Variants in CEP83 observed in about 807,000 individuals in gnomAD.
CEP83 encodes centrosomal protein of 83 kDa.
In CEP83, 70 loss-of-function variants were observed where a neutral mutation model predicts 101.9. The observed-to-expected ratio is 0.69, with a 90% CI of 0.57 to 0.84. CEP83 has a LOEUF of 0.84. Ranked by LOEUF, CEP83 falls within the 40% of genes least tolerant of loss-of-function variation. The pLI is 0.00. For missense variants in CEP83, 715 were observed against 787.2 expected, an observed-to-expected ratio of 0.91 and a Z score of 1.10; for synonymous variants, 264 against 267.9, an observed-to-expected ratio of 0.99 and a Z score of 0.14.
In CEP83 at chr12:94,403,265, A is replaced by C; in HGVS notation, c.325-3T>G. 1 of 1,275,654 alleles carries C rather than the reference A, an allele frequency of 7.8e-7. No homozygotes were observed. Among genetic ancestry groups the C allele is most frequent in the Non-Finnish European group, 1.1e-6 (1 of 875,248 alleles). 79.0% of individuals were successfully genotyped at this position (1,275,654 alleles called of 1,614,324 possible). On this transcript the variant is annotated splice_polypyrimidine_tract_variant and splice_region_variant and intron_variant, in intron 4 of 16. Transcript: ENST00000397809. ...TCCAATTTTTGTGGAGTTAATATCT[A>C]ATATGTAGAGAAATGCAAACAATAT...
chr12:94,395,105 G>A (rs1225913320), intron 6 of CEP83, among the ~76,000 whole-genome samples: 1 of 152,006 alleles, frequency 6.6e-6, no homozygotes, highest in Non-Finnish European at 1.5e-5. Context: ...ATTTGATCCA[G>A]CAATCCCATT....
chr12:94,338,577 TA>T (rs939531426), intron 11 of CEP83, among the ~76,000 whole-genome samples: 7 of 152,008 alleles, frequency 4.6e-5, no homozygotes, highest in East Asian at 3.9e-4. Context: ...GGAGAGGCAT[TA>T]AAAAAATGTT....
chr12:94,289,191 T>C, the CEP83 span, among the ~76,000 whole-genome samples: 1 of 152,228 alleles, frequency 6.6e-6, no homozygotes, highest in African/African-American at 2.4e-5. Context: ...GTTTGGAGGA[T>C]GTGTAGCTCC....
At chr12:94,367,731 T>C (rs952430851) in intron 11 of CEP83, 63 bp downstream of exon 11, 1 of 1,228,934 alleles carries the variant, frequency 8.1e-7, no homozygotes, top group Non-Finnish European at 1.1e-6. Flanking sequence ...TAGTTGTACA[T>C]CATTTTGTTA....
chr12:94,372,331 T>G (rs1000227448), intron 8 of CEP83, among the ~76,000 whole-genome samples: 41 of 152,240 alleles, frequency 2.7e-4, no homozygotes, highest in Admixed American at 2.7e-3. Context: ...TATAAAATGA[T>G]GTTTACATGA....
the CEP83 span, among the ~76,000 whole-genome samples, chr12:94,280,995 C>G: frequency 6.6e-6 from 1 of 152,210 alleles, no homozygotes; most frequent in African/African-American, 2.4e-5. Flanking sequence ...AATCCAACAC[C>G]AGGCTGGACG....
chr12:94,397,355 C>T (rs1328852114), intron 6 of CEP83, among the ~76,000 whole-genome samples: 1 of 152,022 alleles, frequency 6.6e-6, no homozygotes, highest in Non-Finnish European at 1.5e-5. Flanking sequence ...AATAATTAGC[C>T]AGGCATGGTG....
chr12:94,362,321 A>G (rs1291685312), intron 11 of CEP83, among the ~76,000 whole-genome samples: 1 of 152,008 alleles, frequency 6.6e-6, no homozygotes, highest in Non-Finnish European at 1.5e-5. Flanking sequence ...GAAGCTCTAC[A>G]AAAAAAACTA....
the CEP83 span, among the ~76,000 whole-genome samples, chr12:94,268,843 C>T: frequency 6.6e-6 from 1 of 152,056 alleles, no homozygotes; most frequent in African/African-American, 2.4e-5. Flanking sequence ...GATCCACCTG[C>T]CTTGTCCTCC....
chr12:94,448,829 A>T (rs2066999701), intron 1 of CEP83, among the ~76,000 whole-genome samples: 1 of 152,126 alleles, frequency 6.6e-6, no homozygotes, highest in South Asian at 2.1e-4. Flanking sequence ...TGAGAAAAGA[A>T]AAAAGGTCTC....
chr12:94,364,053 T>G, intron 11 of CEP83, among the ~76,000 whole-genome samples: 1 of 150,316 alleles, frequency 6.7e-6, no homozygotes, highest in Non-Finnish European at 1.5e-5. Context: ...TGTAGAGCAG[T>G]CAAAAATCCT....
rs771691930 is a variant in CEP83, at chr12:94,333,637, T to G, written c.1422A>C (p.Gln474His). ...EKNENSDLKQQISSLQIQVTS... is the reference protein window; with the variant it reads ...EKNENSDLKQHISSLQIQVTS... Reference sequence around the variant, plus strand: ...TCACTTGGATCTGCAAACTACTGATTTGCTTAAAAGAGAAGAAAGAAGATA... The same window carrying G: ...TCACTTGGATCTGCAAACTACTGATGTGCTTAAAAGAGAAGAAAGAAGATA... The change falls in exon 13 of 17, where the codon CAA becomes CAC. Residue 474 changes from glutamine (Q) to histidine (H), a missense_variant and splice_region_variant. Gln to His is a conservative substitution (Grantham distance 24, BLOSUM62 0). Transcript: ENST00000397809. 2 of 1,611,308 alleles carry G rather than the reference T, an allele frequency of 1.2e-6. No homozygotes were observed. The highest frequency in any genetic ancestry group is 1.3e-5 in the African/African-American group (1 of 74,738).
downstream of CEP83, among the ~76,000 whole-genome samples, chr12:94,302,752 A>C (rs1918309): frequency 0.76 from 115,163 of 152,122 alleles, 44,939 homozygotes; most frequent in East Asian, 0.98. Flanking sequence ...TCTGTCAACT[A>C]CTGCTGCTAA....
chr12:94,312,872 CA>C, intron 15 of CEP83, 41 bp downstream of exon 15: 1 of 1,275,598 alleles, frequency 7.8e-7, no homozygotes, highest in Non-Finnish European at 1.1e-6. Context: ...TCTATGACAT[CA>C]AAATAACCAC....
chr12:94,445,822 G>T (rs2066758460), intron 1 of CEP83, among the ~76,000 whole-genome samples: 1 of 152,182 alleles, frequency 6.6e-6, no homozygotes, highest in Non-Finnish European at 1.5e-5. Context: ...ATGAGTATGG[G>T]TGTGTATTTA....
At chr12:94,377,729 C>T (rs1489277831) in intron 7 of CEP83, among the ~76,000 whole-genome samples, 4 of 152,076 alleles carry the variant, frequency 2.6e-5, no homozygotes, top group Non-Finnish European at 5.9e-5. Flanking sequence ...CTCTAAAGGA[C>T]CTCAATGGAA....
At chr12:94,408,775 A>T (rs1443878745) in intron 4 of CEP83, among the ~76,000 whole-genome samples, 1 of 151,940 alleles carries the variant, frequency 6.6e-6, no homozygotes, top group Non-Finnish European at 1.5e-5. Context: ...TTAGAGACAG[A>T]GTTACCCAGT....
chr12:94,325,000 C>A (rs1291823798), intron 14 of CEP83, among the ~76,000 whole-genome samples: 1 of 152,164 alleles, frequency 6.6e-6, no homozygotes, highest in Non-Finnish European at 1.5e-5. Context: ...ACATACCAAG[C>A]AGATTCCTGC....
At chr12:94,325,311 T>A (rs1023875049) in intron 14 of CEP83, among the ~76,000 whole-genome samples, 1 of 152,184 alleles carries the variant, frequency 6.6e-6, no homozygotes, top group African/African-American at 2.4e-5. Flanking sequence ...TAGCTGGGAT[T>A]ACAGGCACCC....
Sources: gnomAD v4.1 joint callset for allele counts (sites outside exome capture counted in the v4.1 genomes callset) on GRCh38, gnomAD v4.1.1 for gene constraint, MANE v1.5 for transcripts, NCBI Gene and HGNC (gene_info 2026-07-23, HGNC 2026-07-21) for gene names.